AGBL4: variants seen among roughly 807,000 people sequenced by gnomAD.
AGBL4 encodes AGBL carboxypeptidase 4, also known as cytosolic carboxypeptidase 6.
In AGBL4, 58 loss-of-function variants were observed where a neutral mutation model predicts 66.4. The observed-to-expected ratio is 0.87, with a 90% CI of 0.71 to 1.09. The LOEUF (loss-of-function observed/expected upper bound fraction) is 1.09, where lower values mean the gene tolerates loss of function less well. Among genes scored for constraint, AGBL4 ranks in the 50% least tolerant of loss-of-function variants. The probability of loss-of-function intolerance (pLI) is 0.00; values close to 1 mark genes in which losing one functional copy is unlikely to be tolerated. For missense variants in AGBL4, 579 were observed against 631.0 expected, an observed-to-expected ratio of 0.92 and a Z score of 0.88; for synonymous variants, 234 against 222.9, an observed-to-expected ratio of 1.05 and a Z score of -0.44.
At chr1:49,282,365 C>CA (rs1204671244) in intron 3 of AGBL4, among the ~76,000 whole-genome samples, 3 of 151,710 alleles carry the variant, frequency 2.0e-5, no homozygotes, top group African/African-American at 7.3e-5. Flanking sequence ...CTCTTTGTCT[C>CA]AAAAAAAGGA....
At chr1:49,006,062 C>T (rs1310587238) in intron 5 of AGBL4, among the ~76,000 whole-genome samples, 1 of 152,062 alleles carries the variant, frequency 6.6e-6, no homozygotes, top group African/African-American at 2.4e-5. Context: ...TCTACAGCTC[C>T]CAGCGTGAGC....
At chr1:49,401,646 T>C (rs1645088166) in intron 3 of AGBL4, among the ~76,000 whole-genome samples, 1 of 152,202 alleles carries the variant, frequency 6.6e-6, no homozygotes, top group Non-Finnish European at 1.5e-5. Context: ...ATAGTTTTCC[T>C]TTTTGATGTA....
chr1:49,824,328 GACA>G (rs1239828632), intron 2 of AGBL4, among the ~76,000 whole-genome samples: 2 of 152,192 alleles, frequency 1.3e-5, no homozygotes, highest in African/African-American at 4.8e-5. Context: ...TTCTTGGGCT[GACA>G]CCTGGGTTAT....
intron 3 of AGBL4, among the ~76,000 whole-genome samples, chr1:49,342,724 G>A (rs1184256982): frequency 6.6e-6 from 1 of 152,078 alleles, no homozygotes; most frequent in Non-Finnish European, 1.5e-5. Flanking sequence ...AGTCCTTTCT[G>A]GTTTGACATT....
intron 3 of AGBL4, among the ~76,000 whole-genome samples, chr1:49,517,482 G>C (rs1649923655): frequency 6.6e-6 from 1 of 151,928 alleles, no homozygotes; most frequent in Non-Finnish European, 1.5e-5. Flanking sequence ...AGAGTTCAGT[G>C]ACAGAAGAAT....
At chr1:49,920,214 G>A (rs1441360563) in intron 1 of AGBL4, among the ~76,000 whole-genome samples, 1 of 152,130 alleles carries the variant, frequency 6.6e-6, no homozygotes, top group African/African-American at 2.4e-5. Context: ...AAAAGCAATG[G>A]CAACAAAAGC....
chr1:50,019,675 ATGTT>A (rs1447079621), intron 1 of AGBL4, among the ~76,000 whole-genome samples: 1 of 152,122 alleles, frequency 6.6e-6, no homozygotes, highest in Non-Finnish European at 1.5e-5. Context: ...ATTTAAAAAA[ATGTT>A]TGCCTACATG....
intron 3 of AGBL4, among the ~76,000 whole-genome samples, chr1:49,420,675 T>C (rs1207629536): frequency 6.8e-6 from 1 of 147,964 alleles, no homozygotes; most frequent in East Asian, 2.0e-4. Context: ...CACTCCAGCC[T>C]GGGTGACTGA....
intron 5 of AGBL4, among the ~76,000 whole-genome samples, chr1:49,017,609 G>C (rs1662916217): frequency 6.6e-6 from 1 of 152,072 alleles, no homozygotes; most frequent in African/African-American, 2.4e-5. Context: ...TCAGCATCCA[G>C]TCATCCACTC....
intron 1 of AGBL4, among the ~76,000 whole-genome samples, chr1:49,935,977 G>A (rs772275737): frequency 7.9e-5 from 12 of 152,320 alleles, no homozygotes; most frequent in East Asian, 5.8e-4. Flanking sequence ...ATGGAACAAC[G>A]CTGGAGGGAG....
chr1:49,620,408 G>C lies in AGBL4; in HGVS notation c.282+76905C>G, dbSNP rs373537583. 3.4e-4 allele frequency among the ~76,000 whole-genome samples: 52 copies of C among 152,032 alleles called. 1 individual carries two copies. In the South Asian group the frequency reaches 9.5e-3, roughly 28 times the overall value. ...GTCATTACAGAAATACATATCAAAAGCACAATGAGATACCATCTCATGCCA... is the reference window on the plus strand; with the variant it reads ...GTCATTACAGAAATACATATCAAAACCACAATGAGATACCATCTCATGCCA... On this transcript the variant is annotated intron_variant, in intron 3 of 13. Transcript: ENST00000371839.
intron 5 of AGBL4, among the ~76,000 whole-genome samples, chr1:48,913,527 G>T (rs573559336): frequency 6.6e-6 from 1 of 152,180 alleles, no homozygotes; most frequent in African/African-American, 2.4e-5. Flanking sequence ...TCATAGGAGC[G>T]TGAACCCTAT....
chr1:48,587,208 C>A, intron 10 of AGBL4, 42 bp from the exon 11 acceptor site: 1 of 1,515,774 alleles, frequency 6.6e-7, no homozygotes, highest in Non-Finnish European at 8.9e-7. Context: ...ACGGCACCTG[C>A]TGCAAATTGG....
intron 1 of AGBL4, among the ~76,000 whole-genome samples, chr1:49,960,994 C>T (rs1292882287): frequency 6.6e-6 from 1 of 151,924 alleles, no homozygotes; most frequent in East Asian, 1.9e-4. Flanking sequence ...AGGTAGGTAC[C>T]AAAATTGAAA....
chr1:49,131,419 G>A (rs1645893367), intron 4 of AGBL4, among the ~76,000 whole-genome samples: 1 of 152,002 alleles, frequency 6.6e-6, no homozygotes, highest in Admixed American at 6.6e-5. Flanking sequence ...GAATTTTAAA[G>A]GACAATGGTA....
intron 2 of AGBL4, among the ~76,000 whole-genome samples, chr1:49,716,911 T>C (rs1648191106): frequency 6.6e-6 from 1 of 152,082 alleles, no homozygotes; most frequent in South Asian, 2.1e-4. Flanking sequence ...CAACATAGTG[T>C]TGGAAGTTCT....
intron 3 of AGBL4, among the ~76,000 whole-genome samples, chr1:49,312,370 T>C (rs1644957359): frequency 6.6e-6 from 1 of 152,012 alleles, no homozygotes; most frequent in Non-Finnish European, 1.5e-5. Flanking sequence ...CCCAGCACCT[T>C]CAACTATCAG....
chr1:49,044,506 A>AG (rs925128783), intron 5 of AGBL4, among the ~76,000 whole-genome samples: 4 of 151,912 alleles, frequency 2.6e-5, no homozygotes, highest in African/African-American at 9.7e-5. Context: ...AAAAAAAAAA[A>AG]GGAAGTAGGA....
At chr1:49,479,550 T>A (rs1646912715) in intron 3 of AGBL4, among the ~76,000 whole-genome samples, 1 of 151,892 alleles carries the variant, frequency 6.6e-6, no homozygotes, top group Non-Finnish European at 1.5e-5. Context: ...AGTGAGAACG[T>A]GGGGTATTTG....
Sources: gnomAD v4.1 joint callset for allele counts (sites outside exome capture counted in the v4.1 genomes callset) on GRCh38, gnomAD v4.1.1 for gene constraint, MANE v1.5 for transcripts, NCBI Gene and HGNC (gene_info 2026-07-23, HGNC 2026-07-21) for gene names.